FBXO15: variants seen among roughly 807,000 people sequenced by gnomAD.
FBXO15 encodes F-box protein 15.
A neutral mutation model predicts 49.5 loss-of-function variants in FBXO15; 30 were observed. The ratio of observed to expected loss-of-function variants is 0.61; its 90% CI spans 0.45 to 0.82. The LOEUF (loss-of-function observed/expected upper bound fraction) is 0.82. Among genes scored for constraint, FBXO15 ranks in the 40% least tolerant of loss-of-function variants. The pLI is 0.00. For synonymous variants in FBXO15, 250 were observed against 232.7 expected, an observed-to-expected ratio of 1.07 and a Z score of -0.68; for missense variants, 591 against 631.5, an observed-to-expected ratio of 0.94 and a Z score of 0.69.
chr18:74,103,855 A>G (rs979175955), intron 8 of FBXO15, among the ~76,000 whole-genome samples: 14 of 152,322 alleles, frequency 9.2e-5, no homozygotes, highest in African/African-American at 3.4e-4. Context: ...CACCAGACCT[A>G]TCTTATAAGA....
At position 74,147,754 on chromosome 18, in the gene FBXO15, T is replaced by G; in HGVS notation, c.32A>C (p.Gln11Pro). The G allele has an allele frequency of 6.5e-7, 1 of 1,536,124 alleles. No individual in the cohort carries two copies. The highest frequency in any genetic ancestry group is 1.4e-5 in the African/African-American group (1 of 71,982). The change falls in exon 1 of 10, where the codon CAG becomes CCG. Residue 11 changes from glutamine to proline, a missense_variant. Coordinates refer to ENST00000419743, the MANE Select transcript of FBXO15 (RefSeq NM_001142958.2). ...CAGCGTCTGGAGGCCGAGCCAGTGC[T>G]GCTGCAAGATCCGACCGCGTCCAGT... MATGRGRILQ[Q>P]HWLGLQTLRG...
Position 74,142,573 on chromosome 18 carries a change from T to A in FBXO15, c.117-2261A>T, listed in dbSNP as rs116733208. 4.7e-3 allele frequency among the ~76,000 whole-genome samples: 720 copies of A among 152,200 alleles called. 4 individuals are homozygous for A. The highest frequency in any genetic ancestry group is 0.015 in the African/African-American group (643 of 41,512). On this transcript the variant is annotated intron_variant, in intron 1 of 9. Coordinates refer to ENST00000419743, the MANE Select transcript of FBXO15 (RefSeq NM_001142958.2). Reference sequence around the variant, plus strand: ...TGGTGGTTGCCAGAAATCCTTGGTGTCCCTTAGTTTGTGTCAGCATAACTC... The same window carrying A: ...TGGTGGTTGCCAGAAATCCTTGGTGACCCTTAGTTTGTGTCAGCATAACTC...
chr18:74,087,732 T>A (rs950164363), intron 8 of FBXO15, among the ~76,000 whole-genome samples: 2 of 152,230 alleles, frequency 1.3e-5, no homozygotes, highest in Non-Finnish European at 2.9e-5. Flanking sequence ...ACATACCCAA[T>A]AATGGGATTG....
rs1912120168 is a variant in FBXO15 at position 74,073,517 on chromosome 18, G to C, written c.1477C>G (p.Leu493Val). 31 of 1,614,088 alleles carry C rather than the reference G, an allele frequency of 1.9e-5. No homozygotes were observed. Among genetic ancestry groups the C allele is most frequent in the Admixed American group, 8.3e-5 (5 of 60,004 alleles). Reference sequence around the variant, plus strand: ...TTTGCGATACTAAGATAAAGGACCAGGTTGACAATAAGGTATTCTTCGGTC... The same window carrying C: ...TTTGCGATACTAAGATAAAGGACCACGTTGACAATAAGGTATTCTTCGGTC... ...RETEEYLIVNLVLYLSIAKIN... is the reference protein window; with the variant it reads ...RETEEYLIVNVVLYLSIAKIN... The change falls in exon 10 of 10, where the codon CTG becomes GTG. Residue 493 changes from leucine (L) to valine (V), a missense_variant. Transcript: ENST00000419743.
chr18:74,081,786 C>T (rs930085317), intron 9 of FBXO15, 141 bp downstream of exon 9: 40 of 629,800 alleles, frequency 6.4e-5, no homozygotes, highest in Non-Finnish European at 8.8e-5. Context: ...TGTGCACCAA[C>T]CTTCAGAAAC....
chr18:74,127,890 G>A (rs2145197967), intron 5 of FBXO15, among the ~76,000 whole-genome samples: 1 of 152,222 alleles, frequency 6.6e-6, no homozygotes, highest in Middle Eastern at 3.4e-3. Flanking sequence ...ATTAATGTTA[G>A]CCAGTTTGTC....
intron 1 of FBXO15, among the ~76,000 whole-genome samples, chr18:74,141,594 A>C (rs8095376): frequency 0.088 from 13,365 of 152,240 alleles, 1,082 homozygotes; most frequent in African/African-American, 0.21. Flanking sequence ...TGGGAGCAAA[A>C]AAAGAGATGC....
chr18:74,146,691 C>G (rs1979434962), intron 1 of FBXO15, among the ~76,000 whole-genome samples: 1 of 152,118 alleles, frequency 6.6e-6, no homozygotes, highest in Non-Finnish European at 1.5e-5. Context: ...TATCACAGCA[C>G]TAAGCAACAG....
chr18:74,136,601 A>G (rs1017513942), intron 2 of FBXO15, among the ~76,000 whole-genome samples: 1 of 152,166 alleles, frequency 6.6e-6, no homozygotes, highest in Admixed American at 6.5e-5. Context: ...TGGGGCTTCA[A>G]GGAGACACCA....
At chr18:74,144,660 C>A (rs1473880669) in intron 1 of FBXO15, among the ~76,000 whole-genome samples, 1 of 151,290 alleles carries the variant, frequency 6.6e-6, no homozygotes, top group Middle Eastern at 3.4e-3. Flanking sequence ...AATAATCTGT[C>A]TTTGTCCTAT....
At chr18:74,105,733 A>T (rs1349938125) in intron 8 of FBXO15, among the ~76,000 whole-genome samples, 1 of 152,138 alleles carries the variant, frequency 6.6e-6, no homozygotes, top group East Asian at 1.9e-4. Context: ...GGCATGAGAC[A>T]CTGTGCCTGG....
intron 2 of FBXO15, among the ~76,000 whole-genome samples, chr18:74,136,822 C>T (rs1336307568): frequency 6.6e-6 from 1 of 152,160 alleles, no homozygotes; most frequent in African/African-American, 2.4e-5. Context: ...GGCAACAGAG[C>T]TACCACAGAT....
chr18:74,077,566 C>T (rs1236889914), intron 9 of FBXO15, among the ~76,000 whole-genome samples: 2 of 152,170 alleles, frequency 1.3e-5, no homozygotes, highest in African/African-American at 4.8e-5. Context: ...CCACAGCACC[C>T]ACTGCTTCCT....
chr18:74,112,884 G>GAAGACAGTT (rs1387260886), intron 8 of FBXO15, among the ~76,000 whole-genome samples: 1 of 152,180 alleles, frequency 6.6e-6, no homozygotes, highest in African/African-American at 2.4e-5. Context: ...AGTCACTTTG[G>GAAGACAGTT]AAGACAGTTT....
chr18:74,110,961 T>C (rs751568271), intron 8 of FBXO15, among the ~76,000 whole-genome samples: 2 of 152,144 alleles, frequency 1.3e-5, no homozygotes, highest in Non-Finnish European at 2.9e-5. Flanking sequence ...ACTATTATAG[T>C]TGGAGACATC....
chr18:74,125,505 G>A (rs568811393), intron 6 of FBXO15, among the ~76,000 whole-genome samples: 12 of 152,302 alleles, frequency 7.9e-5, no homozygotes, highest in Admixed American at 1.3e-4. Context: ...GGATAACATC[G>A]TAGACAGCTG....
At chr18:74,085,451 G>T (rs914097352) in intron 8 of FBXO15, among the ~76,000 whole-genome samples, 2 of 152,176 alleles carry the variant, frequency 1.3e-5, no homozygotes, top group South Asian at 4.1e-4. Flanking sequence ...AAATTAGCCA[G>T]GTGTGGTGGC....
chr18:74,113,880 C>T (rs1172717854), intron 8 of FBXO15, among the ~76,000 whole-genome samples: 3 of 152,200 alleles, frequency 2.0e-5, no homozygotes, highest in African/African-American at 7.2e-5. Flanking sequence ...TGGACTATTT[C>T]CTGTCTTCTC....
intron 8 of FBXO15, among the ~76,000 whole-genome samples, chr18:74,109,276 A>G (rs28808599): frequency 0.27 from 40,535 of 152,062 alleles, 8,006 homozygotes; most frequent in African/African-American, 0.55. Flanking sequence ...AAACCATAAT[A>G]AGACACCATC....
Sources: allele counts gnomAD v4.1 joint callset (sites outside exome capture counted in the v4.1 genomes callset), GRCh38; gene constraint gnomAD v4.1.1; transcripts MANE v1.5; gene names NCBI Gene and HGNC (gene_info 2026-07-23, HGNC 2026-07-21).